The following GALNT14 variants were observed in gnomAD, a reference collection of about 807,000 sequenced individuals.
GALNT14 encodes the protein UDP-GalNAc:polypeptide N-acetylgalactosaminyltransferase 14.
A neutral mutation model predicts 77.5 loss-of-function variants in GALNT14; 60 were observed. That is an observed-to-expected ratio of 0.77 (90% CI 0.63 to 0.96). The LOEUF (loss-of-function observed/expected upper bound fraction) is 0.96, where lower values mean the gene tolerates loss of function less well. GALNT14 is among the 40% of genes least tolerant of loss of function. The probability of loss-of-function intolerance (pLI) is 0.00; values close to 1 mark genes in which losing one functional copy is unlikely to be tolerated. For synonymous variants in GALNT14, 280 were observed against 281.7 expected, an observed-to-expected ratio of 0.99 and a Z score of 0.06; for missense variants, 710 against 731.0, an observed-to-expected ratio of 0.97 and a Z score of 0.33.
At chr2:31,025,240 A>G (rs1671965884) in intron 1 of GALNT14, among the ~76,000 whole-genome samples, 1 of 152,166 alleles carries the variant, frequency 6.6e-6, no homozygotes, top group Non-Finnish European at 1.5e-5. Flanking sequence ...ATAAAGGTTT[A>G]CAATAATGCT....
intron 13 of GALNT14, among the ~76,000 whole-genome samples, chr2:30,917,392 T>G (rs1270049125): frequency 2.0e-5 from 3 of 152,236 alleles, no homozygotes; most frequent in Non-Finnish European, 4.4e-5. Flanking sequence ...CCAGTAGTGC[T>G]GAGGGTTAGA....
intron 1 of GALNT14, among the ~76,000 whole-genome samples, chr2:31,088,181 G>A (rs1326955601): frequency 2.0e-5 from 3 of 152,228 alleles, no homozygotes; most frequent in Non-Finnish European, 4.4e-5. Context: ...AGAGGCCACT[G>A]GAGTGGGATG....
chr2:30,899,167 A>G, the GALNT14 span, among the ~76,000 whole-genome samples: 4 of 152,218 alleles, frequency 2.6e-5, no homozygotes, highest in Admixed American at 6.5e-5. Context: ...TCACACTAAA[A>G]GCATCCTGCA....
In GALNT14 at chr2:30,991,779, G is replaced by T. The variant is rs534507474; in HGVS notation, c.299+1059C>A. On this transcript the variant is annotated intron_variant, in intron 2 of 14. Coordinates refer to ENST00000349752, the MANE Select transcript of GALNT14 (RefSeq NM_024572.4). The stretch of plus-strand genomic sequence containing the variant: ...GCTGTTTAGAAGACAAGGTTTCCAA[G>T]TAGTGCAACCTAGTTGGGGAAATGG... Among the ~76,000 whole-genome samples the T allele has an allele frequency of 1.4e-4, 22 of 152,324 alleles. No individual in the cohort carries two copies. In the East Asian group the frequency reaches 4.2e-3, roughly 29 times the overall value.
chr2:30,965,865 C>T (rs1667973958), intron 3 of GALNT14, among the ~76,000 whole-genome samples: 1 of 152,074 alleles, frequency 6.6e-6, no homozygotes, highest in Non-Finnish European at 1.5e-5. Context: ...GGCCTCAGCC[C>T]CTTCCTCATT....
At chr2:31,022,796 T>C (rs1671802629) in intron 1 of GALNT14, among the ~76,000 whole-genome samples, 1 of 152,252 alleles carries the variant, frequency 6.6e-6, no homozygotes, top group East Asian at 1.9e-4. Flanking sequence ...ATGAGTATGC[T>C]GAAATGAACA....
intron 2 of GALNT14, among the ~76,000 whole-genome samples, chr2:30,974,252 G>A (rs1473821589): frequency 6.6e-6 from 1 of 152,182 alleles, no homozygotes; most frequent in Non-Finnish European, 1.5e-5. Context: ...TTGTGCATTT[G>A]TCTTCTTTAT....
chr2:30,904,581 C>T, the GALNT14 span, among the ~76,000 whole-genome samples: 78 of 152,346 alleles, frequency 5.1e-4, no homozygotes, highest in East Asian at 0.012. Context: ...GTCTCGCTGA[C>T]TGCTAGCACA....
At chr2:31,114,889 C>A in intron 1 of GALNT14, 1 of 700,076 alleles carries the variant, frequency 1.4e-6, no homozygotes, top group Non-Finnish European at 2.6e-6. Context: ...AGGTAACTAA[C>A]AAAGAAAAAG....
chr2:30,924,270 G>A lies in GALNT14; in HGVS notation c.1236-7C>T. ...GGAGGACTCCTTGGGGATGCTGGAG[G>A]AGAGTCACAGGGAGAGAGGAGAGTC... On this transcript the variant is annotated splice_region_variant and splice_polypyrimidine_tract_variant and intron_variant, in intron 12 of 14. Transcript: ENST00000349752. 6.2e-7 allele frequency: 1 copy of A among 1,614,058 alleles called. No individual in the cohort carries two copies. The highest frequency in any genetic ancestry group is 2.2e-5 in the East Asian group (1 of 44,876).
intron 6 of GALNT14, among the ~76,000 whole-genome samples, chr2:30,952,700 T>C (rs1205178595): frequency 6.6e-6 from 1 of 150,650 alleles, no homozygotes; most frequent in Non-Finnish European, 1.5e-5. Context: ...GCATGGCACA[T>C]GTATACATAT....
At chr2:31,024,006 C>T (rs530636767) in intron 1 of GALNT14, among the ~76,000 whole-genome samples, 3 of 152,166 alleles carry the variant, frequency 2.0e-5, no homozygotes, top group Non-Finnish European at 2.9e-5. Context: ...GTGGCCCCAA[C>T]CCGGTCTTGG....
intron 2 of GALNT14, among the ~76,000 whole-genome samples, chr2:30,979,223 C>T (rs183232907): frequency 2.6e-4 from 40 of 152,280 alleles, no homozygotes; most frequent in African/African-American, 7.7e-4. Context: ...GAGGGGGCAG[C>T]GGCTGAGTTT....
intron 9 of GALNT14, among the ~76,000 whole-genome samples, chr2:30,935,134 C>T (rs1665973441): frequency 2.0e-5 from 3 of 152,166 alleles, no homozygotes; most frequent in Non-Finnish European, 2.9e-5. Flanking sequence ...GTCCTAACAA[C>T]CCTGCTCCAT....
intron 1 of GALNT14, chr2:31,125,199 G>T: frequency 6.4e-7 from 1 of 1,550,536 alleles, no homozygotes; most frequent in Non-Finnish European, 8.7e-7. Context: ...GGTGATACAG[G>T]CACCTGAGGC....
At chr2:30,889,600 C>T in the GALNT14 span, among the ~76,000 whole-genome samples, 1 of 152,222 alleles carries the variant, frequency 6.6e-6, no homozygotes, top group Non-Finnish European at 1.5e-5. Flanking sequence ...TTCATCTCTC[C>T]ATTTTACAGA....
At chr2:31,009,152 T>C (rs912051373) in intron 1 of GALNT14, among the ~76,000 whole-genome samples, 2 of 152,124 alleles carry the variant, frequency 1.3e-5, no homozygotes, top group African/African-American at 4.8e-5. Context: ...AAAAGGCCAA[T>C]AGATATGCAG....
At chr2:31,115,963 G>A (rs1678084660) in intron 1 of GALNT14, among the ~76,000 whole-genome samples, 1 of 152,170 alleles carries the variant, frequency 6.6e-6, no homozygotes, top group Non-Finnish European at 1.5e-5. Flanking sequence ...TGAAGCTACA[G>A]TGAGCTATGA....
chr2:31,065,730 C>T (rs1438431193), intron 1 of GALNT14, among the ~76,000 whole-genome samples: 3 of 152,186 alleles, frequency 2.0e-5, no homozygotes, highest in Non-Finnish European at 4.4e-5. Context: ...TCAAATCGTG[C>T]TGGGGAGCCT....
Sources: allele counts gnomAD v4.1 joint callset (sites outside exome capture counted in the v4.1 genomes callset), GRCh38; gene constraint gnomAD v4.1.1; transcripts MANE v1.5; gene names NCBI Gene and HGNC (gene_info 2026-07-23, HGNC 2026-07-21).